The following DNAH8 variants were observed in gnomAD, a reference collection of about 807,000 sequenced individuals.
DNAH8 encodes the protein dynein axonemal heavy chain 8.
A neutral mutation model predicts 562.1 loss-of-function variants in DNAH8; 382 were observed. The ratio of observed to expected loss-of-function variants is 0.68; its 90% confidence interval spans 0.63 to 0.74. The LOEUF (loss-of-function observed/expected upper bound fraction) is 0.74, where lower values mean the gene tolerates loss of function less well. Among genes scored for constraint, DNAH8 ranks in the 30% least tolerant of loss-of-function variants. DNAH8 has a pLI of 0.00. For missense variants in DNAH8, 5,203 were observed against 5,620.4 expected, an observed-to-expected ratio of 0.93 and a Z score of 2.37; for synonymous variants, 1,881 against 1,919.4, an observed-to-expected ratio of 0.98 and a Z score of 0.52.
At chr6:38,960,567 A>G (rs769672565) in intron 82 of DNAH8, among the ~76,000 whole-genome samples, 11 of 152,050 alleles carry the variant, frequency 7.2e-5, no homozygotes, top group Non-Finnish European at 1.5e-4. Flanking sequence ...CAAAACTACA[A>G]TGAGATATCA....
chr6:38,831,496 G>T (rs543894037), intron 30 of DNAH8, among the ~76,000 whole-genome samples: 4 of 151,278 alleles, frequency 2.6e-5, no homozygotes, highest in African/African-American at 9.7e-5. Flanking sequence ...CTCTTTAATG[G>T]TTAGTGTTAA....
chr6:38,812,679 G>C (rs1316065478), intron 24 of DNAH8, among the ~76,000 whole-genome samples: 1 of 152,022 alleles, frequency 6.6e-6, no homozygotes, highest in Non-Finnish European at 1.5e-5. Context: ...TGTATGTTTA[G>C]ATGCAGGTGG....
intron 82 of DNAH8, among the ~76,000 whole-genome samples, chr6:38,954,108 G>T (rs1291525941): frequency 1.3e-5 from 2 of 152,152 alleles, no homozygotes; most frequent in Non-Finnish European, 2.9e-5. Flanking sequence ...GTCTTGTACT[G>T]GTCAAGATCT....
intron 89 of DNAH8, among the ~76,000 whole-genome samples, chr6:39,009,631 C>G (rs1766050919): frequency 6.6e-6 from 1 of 152,178 alleles, no homozygotes; most frequent in Non-Finnish European, 1.5e-5. Flanking sequence ...CATTATGACA[C>G]TCAGTGCTCA....
At chr6:38,899,451 C>G (rs1779918435) in intron 61 of DNAH8, among the ~76,000 whole-genome samples, 1 of 152,214 alleles carries the variant, frequency 6.6e-6, no homozygotes, top group South Asian at 2.1e-4. Context: ...GGAAGAGCAG[C>G]TCCACTATCC....
chr6:38,771,961 C>A (rs927520043), intron 12 of DNAH8, among the ~76,000 whole-genome samples: 1 of 152,002 alleles, frequency 6.6e-6, no homozygotes, highest in African/African-American at 2.4e-5. Flanking sequence ...TTGTTGATAA[C>A]CCCAACTATT....
intron 10 of DNAH8, among the ~76,000 whole-genome samples, chr6:38,756,639 T>C (rs929129244): frequency 6.6e-6 from 1 of 151,930 alleles, no homozygotes; most frequent in Admixed American, 6.6e-5. Flanking sequence ...CATTTAACAT[T>C]AGGGATATCT....
Position 39,012,630 on chromosome 6 carries a change from T to A in DNAH8, c.13707T>A (p.Asn4569Lys). ...TGTTTTGGATGACTGGTTTCTTTAATCCCCAAGGTATGTGCTCATAGGAGA... is the reference window on the plus strand; with the variant it reads ...TGTTTTGGATGACTGGTTTCTTTAAACCCCAAGGTATGTGCTCATAGGAGA... Reference protein sequence around the residue: ...PNVFWMTGFFNPQGFLTAMRQ... With the variant: ...PNVFWMTGFFKPQGFLTAMRQ... Residue 4569 changes from asparagine (N) to lysine (K), a missense_variant, in exon 91 of 93, where the codon AAT (asparagine) becomes AAA (lysine). Around this residue, in one of 6 missense-constraint regions of DNAH8, gnomAD observed 1,399 missense variants for 1,518.4 expected, o/e 0.92. Coordinates refer to ENST00000327475, the MANE Select transcript of DNAH8 (RefSeq NM_001206927.2). 6.2e-7 allele frequency: 1 copy of A among 1,613,248 alleles called. No individual in the cohort carries two copies. The highest frequency in any genetic ancestry group is 8.5e-7 in the Non-Finnish European group (1 of 1,179,204).
At chr6:38,920,713 A>G (rs1781636860) in intron 70 of DNAH8, among the ~76,000 whole-genome samples, 3 of 152,176 alleles carry the variant, frequency 2.0e-5, no homozygotes, top group African/African-American at 7.2e-5. Flanking sequence ...CACATAACTA[A>G]CGTTCATGAT....
At position 38,979,197 on chromosome 6, in the gene DNAH8, CTCTGATTGAACG is replaced by C. The variant is rs1245672394; in HGVS notation, c.12835-3145_12835-3134del. 7.9e-5 allele frequency among the ~76,000 whole-genome samples: 12 copies of C among 152,338 alleles called. No individual in the cohort carries two copies. The South Asian group carries it at 1.5e-3, about 18-fold the overall frequency. On this transcript the variant is annotated intron_variant, in intron 85 of 92. Transcript: ENST00000327475. ...CTTCAGTTTTATTCTTCCCAGAAGC[CTCTGATTGAACG>C]TCTCCTTCAGGCTTATCATTGTGAA...
chr6:38,717,153 A>G lies in DNAH8; in HGVS notation c.-35+1738A>G, dbSNP rs570835934. Among the ~76,000 whole-genome samples the G allele has an allele frequency of 2.0e-5, 3 of 152,256 alleles. No individual in the cohort carries two copies. The East Asian group carries it at 5.8e-4, about 29-fold the overall frequency. On this transcript the variant is annotated intron_variant, in intron 1 of 92. Transcript: ENST00000327475. ...CTTGAGCCCAGGAGGTGAGGACTGC[A>G]ATGAGCTGTGCTCACATGACTGTAC...
At chr6:38,839,182 C>G (rs946710463) in intron 33 of DNAH8, among the ~76,000 whole-genome samples, 2 of 152,198 alleles carry the variant, frequency 1.3e-5, no homozygotes, top group Non-Finnish European at 2.9e-5. Flanking sequence ...TTTACACACT[C>G]TCCAGGTGAC....
intron 12 of DNAH8, among the ~76,000 whole-genome samples, chr6:38,773,530 G>A (rs1328724181): frequency 1.3e-5 from 2 of 152,142 alleles, no homozygotes; most frequent in African/African-American, 4.8e-5. Flanking sequence ...CAAGCCACAA[G>A]TGCTCAGCAA....
At chr6:39,011,870 A>G (rs1251459519) in intron 89 of DNAH8, among the ~76,000 whole-genome samples, 8 of 151,606 alleles carry the variant, frequency 5.3e-5, no homozygotes, top group African/African-American at 7.3e-5. Flanking sequence ...CTGTACCCCT[A>G]TGAAGGTTAG....
intron 43 of DNAH8, among the ~76,000 whole-genome samples, chr6:38,861,626 T>A (rs1247619348): frequency 1.3e-5 from 2 of 152,164 alleles, no homozygotes; most frequent in Non-Finnish European, 2.9e-5. Flanking sequence ...GGCGCGATCT[T>A]GGCTCACTGC....
At chr6:38,843,486 C>A (rs755291185) in intron 35 of DNAH8, among the ~76,000 whole-genome samples, 9 of 151,980 alleles carry the variant, frequency 5.9e-5, no homozygotes, top group Non-Finnish European at 1.2e-4. Flanking sequence ...TCTCTTTGAG[C>A]ATTTTAAACA....
At chr6:38,931,622 C>A (rs1561879348) in intron 75 of DNAH8, among the ~76,000 whole-genome samples, 189 bp from the exon 76 acceptor site, 2 of 152,122 alleles carry the variant, frequency 1.3e-5, no homozygotes, top group Non-Finnish European at 2.9e-5. Flanking sequence ...CCAGGCAGGA[C>A]TACAATTCTA....
At chr6:38,900,047 G>T (rs761663927) in intron 62 of DNAH8, 141 bp downstream of exon 62, 2 of 688,618 alleles carry the variant, frequency 2.9e-6, no homozygotes, top group Non-Finnish European at 4.3e-6. Flanking sequence ...GGATATTTAC[G>T]CAAGTGTCAC....
At chr6:38,894,446 A>G (rs969814420) in intron 58 of DNAH8, among the ~76,000 whole-genome samples, 2 of 152,206 alleles carry the variant, frequency 1.3e-5, no homozygotes, top group Admixed American at 6.5e-5. Context: ...TGGTAGTAGA[A>G]CAAGGTGTTG....
Sources: gnomAD v4.1 joint callset for allele counts (sites outside exome capture counted in the v4.1 genomes callset) on GRCh38, gnomAD v4.1.1 for gene constraint, gnomAD v4.1.1 regional missense constraint, MANE v1.5 for transcripts, NCBI Gene and HGNC (gene_info 2026-07-23, HGNC 2026-07-21) for gene names.